The following PCDHGB5 variants were observed in gnomAD, a reference collection of about 807,000 sequenced individuals.
PCDHGB5 encodes the protein protocadherin gamma subfamily B, 5.
PCDHGB5 carries 48 observed loss-of-function variants against 62.9 expected under a neutral mutation model. The ratio of observed to expected loss-of-function variants is 0.76; its 90% CI spans 0.61 to 0.97. The LOEUF (loss-of-function observed/expected upper bound fraction) is 0.97, where lower values mean the gene tolerates loss of function less well. Among genes scored for constraint, PCDHGB5 ranks in the 50% least tolerant of loss-of-function variants. PCDHGB5 has a pLI of 0.00. For synonymous variants in PCDHGB5, 474 were observed against 511.2 expected, an observed-to-expected ratio of 0.93 and a Z score of 0.98; for missense variants, 1,118 against 1,198.6, an observed-to-expected ratio of 0.93 and a Z score of 0.99.
At chr5:141,434,265 GA>G (rs2097683598) in intron 1 of PCDHGB5, among the ~76,000 whole-genome samples, 1 of 152,186 alleles carries the variant, frequency 6.6e-6, no homozygotes, top group South Asian at 2.1e-4. Context: ...GGGGGAGGTG[GA>G]AATTAGAGGT....
chr5:141,503,598 CAAAAAAAAAA>C (rs765754054), intron 2 of PCDHGB5, among the ~76,000 whole-genome samples: 1 of 65,762 alleles, frequency 1.5e-5, no homozygotes. Context: ...GACTCCAGCT[CAAAAAAAAAA>C]AAAAAAGAAA....
chr5:141,443,307 C>A (rs1447607301), intron 1 of PCDHGB5, among the ~76,000 whole-genome samples: 1 of 136,584 alleles, frequency 7.3e-6, no homozygotes, highest in Non-Finnish European at 1.5e-5. Flanking sequence ...ATGGCAAAAA[C>A]CCATCTCTAC....
At position 141,422,164 on chromosome 5, in the gene PCDHGB5, T is replaced by C. The variant is rs2096630287; in HGVS notation, c.2397+21640T>C. 2 of 1,568,668 alleles carry C rather than the reference T, an allele frequency of 1.3e-6. No homozygotes were observed. Among genetic ancestry groups the C allele is most frequent in the Non-Finnish European group, 1.7e-6 (2 of 1,162,894 alleles). On this transcript the variant is annotated intron_variant, in intron 1 of 3. Coordinates refer to ENST00000617380, the MANE Select transcript of PCDHGB5 (RefSeq NM_018925.3). ...ACGGGGGTCTCTGGATTTTGAAAAA[T>C]ATAGATTCTATGAGATGGAAATTCA... is the stretch of plus-strand genomic sequence containing the variant.
At chr5:141,408,917 C>T (rs549266523) in intron 1 of PCDHGB5, 2 of 1,613,248 alleles carry the variant, frequency 1.2e-6, no homozygotes, top group Non-Finnish European at 8.5e-7. Context: ...CAATGATAAC[C>T]CCCCGGTTTT....
At chr5:141,437,497 T>A (rs2097889891) in intron 1 of PCDHGB5, among the ~76,000 whole-genome samples, 1 of 152,190 alleles carries the variant, frequency 6.6e-6, no homozygotes, top group Non-Finnish European at 1.5e-5. Flanking sequence ...TAGATCACTT[T>A]TCAATGAATT....
At chr5:141,467,117 A>G (rs62379198) in intron 1 of PCDHGB5, among the ~76,000 whole-genome samples, 35,587 of 150,646 alleles carry the variant, frequency 0.24, 4,364 homozygotes, top group Admixed American at 0.32. Flanking sequence ...CAATGGTGCA[A>G]TCTCAGCTCA....
intron 1 of PCDHGB5, chr5:141,421,516 T>C (rs199973694): frequency 6.8e-6 from 11 of 1,614,064 alleles, no homozygotes; most frequent in Non-Finnish European, 9.3e-6. Context: ...GGAGGAGCTC[T>C]GTGAGACGGT....
Position 141,421,313 on chromosome 5 carries a change from C to T in PCDHGB5, c.2397+20789C>T, listed in dbSNP as rs201429116. 461 of 1,613,716 alleles carry T rather than the reference C, an allele frequency of 2.9e-4. No homozygotes were observed. Among genetic ancestry groups the T allele is most frequent in the Non-Finnish European group, 3.7e-4 (436 of 1,179,850 alleles). On this transcript the variant is annotated intron_variant, in intron 1 of 3. Coordinates refer to ENST00000617380, the MANE Select transcript of PCDHGB5 (RefSeq NM_018925.3). ...CTGGGGACGCTGCGGGGGTTCCGGGCCAGGCAGATCCGATATTCGGTGCCA... is the reference window on the plus strand; with the variant it reads ...CTGGGGACGCTGCGGGGGTTCCGGGTCAGGCAGATCCGATATTCGGTGCCA...
chr5:141,410,065 G>C, intron 1 of PCDHGB5: 1 of 1,612,938 alleles, frequency 6.2e-7, no homozygotes, highest in South Asian at 1.1e-5. Context: ...GCCTGGGGCT[G>C]CGCACTGGGG....
chr5:141,489,999 G>C lies in PCDHGB5; in HGVS notation c.2398-4808G>C, dbSNP rs772783990. Reference sequence around the variant, plus strand: ...CAGTTCTACGTGTGGGAATCCCAGAGAATGCACCCATTGGTACTCTGCTGC... The same window carrying C: ...CAGTTCTACGTGTGGGAATCCCAGACAATGCACCCATTGGTACTCTGCTGC... On this transcript the variant is annotated intron_variant, in intron 1 of 3. Coordinates refer to ENST00000617380, the MANE Select transcript of PCDHGB5 (RefSeq NM_018925.3). This position sits in a 1 kb window ranked among gnomAD's most constrained non-coding sequence, Gnocchi z 4.5. 6.2e-7 allele frequency: 1 copy of C among 1,614,242 alleles called. No individual in the cohort carries two copies. Among genetic ancestry groups the C allele is most frequent in the East Asian group, 2.2e-5 (1 of 44,886 alleles).
chr5:141,445,786 C>A (rs1189294394), intron 1 of PCDHGB5, among the ~76,000 whole-genome samples: 2 of 152,018 alleles, frequency 1.3e-5, no homozygotes, highest in Non-Finnish European at 2.9e-5. Flanking sequence ...GCTAGGGAGG[C>A]TAGAAACAGA....
intron 1 of PCDHGB5, chr5:141,411,443 G>A (rs780563062): frequency 6.6e-6 from 1 of 151,948 alleles, no homozygotes; most frequent in African/African-American, 2.4e-5. Context: ...CATTAGCAGA[G>A]TGTGGTAGCA....
chr5:141,505,283 G>A, intron 2 of PCDHGB5, 110 bp from the exon 3 acceptor site: 5 of 1,547,446 alleles, frequency 3.2e-6, no homozygotes, highest in Non-Finnish European at 3.5e-6. Flanking sequence ...ACAGGTCTTG[G>A]GCATGGGGTA....
At chr5:141,449,588 CA>C (rs768743917) in intron 1 of PCDHGB5, among the ~76,000 whole-genome samples, 1,277 of 57,494 alleles carry the variant, frequency 0.022, 7 homozygotes, top group Middle Eastern at 0.041. Flanking sequence ...GACTCTGTCT[CA>C]AAAAAAAAAA....
At position 141,400,132 on chromosome 5, in the gene PCDHGB5, C is replaced by T. The variant is rs762060556; in HGVS notation, c.2005C>T (p.Pro669Ser). 6.3e-5 allele frequency: 101 copies of T among 1,613,964 alleles called. No individual in the cohort carries two copies. The highest frequency in any genetic ancestry group is 8.4e-5 in the Non-Finnish European group (99 of 1,179,904). Residue 669 changes from proline (P) to serine (S), a missense_variant, in exon 1 of 4, where the codon CCG becomes TCG. Coordinates refer to ENST00000617380, the MANE Select transcript of PCDHGB5 (RefSeq NM_018925.3). ...VFADSLQEVLPDITDRPVPSD... is the reference protein window; with the variant it reads ...VFADSLQEVLSDITDRPVPSD... ...TGCTGACAGCTTGCAGGAGGTGCTG[C>T]CGGATATCACTGACCGCCCTGTACC...
intron 1 of PCDHGB5, chr5:141,411,535 G>C (rs945278706): frequency 6.6e-6 from 1 of 152,274 alleles, no homozygotes; most frequent in Non-Finnish European, 1.5e-5. Context: ...AGTGAGCCCT[G>C]ATCTTGCCAC....
At chr5:141,441,820 G>A in intron 1 of PCDHGB5, 1 of 359,390 alleles carries the variant, frequency 2.8e-6, no homozygotes, top group Non-Finnish European at 5.5e-6. Flanking sequence ...CCCAGCTCTG[G>A]AGCGCAATGG....
At chr5:141,408,473 G>A (rs2095117243) in intron 1 of PCDHGB5, 5 of 1,613,952 alleles carry the variant, frequency 3.1e-6, no homozygotes, top group African/African-American at 1.3e-5. Flanking sequence ...GAACCGAATA[G>A]ACCGTGAGCA....
rs758099753 is a variant in PCDHGB5, at chr5:141,432,129, A to G, written c.2397+31605A>G. The G allele has an allele frequency of 5.6e-6, 9 of 1,614,054 alleles. No homozygotes were observed. The highest frequency in any genetic ancestry group is 5.5e-5 in the South Asian group (5 of 91,056). On this transcript the variant is annotated intron_variant, in intron 1 of 3. Transcript: ENST00000617380. The surrounding 1 kb of genome is among the most constrained non-coding windows in gnomAD (Gnocchi z 6.0). Reference sequence around the variant, plus strand: ...CCGCCGGTCTTCCCTCAGGCCTCCTATTCCGCTTATATCCCAGAGAACAAT... The same window carrying G: ...CCGCCGGTCTTCCCTCAGGCCTCCTGTTCCGCTTATATCCCAGAGAACAAT...
Sources: allele counts gnomAD v4.1 joint callset (sites outside exome capture counted in the v4.1 genomes callset), GRCh38; gene constraint gnomAD v4.1.1; non-coding constraint Gnocchi (gnomAD v3.1); transcripts MANE v1.5; gene names NCBI Gene and HGNC (gene_info 2026-07-23, HGNC 2026-07-21).